The following SHLD2 variants were observed in gnomAD, a reference collection of about 807,000 sequenced individuals.
SHLD2 encodes the protein RINN1-REV7-interacting novel NHEJ regulator 2.
Under a neutral mutation model 73.2 loss-of-function variants are expected in SHLD2, and 30 were observed. The observed-to-expected ratio is 0.41, with a 90% CI of 0.31 to 0.56. The LOEUF (loss-of-function observed/expected upper bound fraction) is 0.56. Ranked by LOEUF, SHLD2 falls within the 20% of genes least tolerant of loss-of-function variation. The pLI is 0.28. For synonymous variants in SHLD2, 285 were observed against 370.1 expected, an observed-to-expected ratio of 0.77 and a Z score of 2.64; for missense variants, 745 against 1,055.9, an observed-to-expected ratio of 0.71 and a Z score of 4.08.
chr10:87,096,523 T>C (rs1182841083), intron 1 of SHLD2, among the ~76,000 whole-genome samples: 1 of 151,976 alleles, frequency 6.6e-6, no homozygotes, highest in East Asian at 1.9e-4. Context: ...CAAAGCAGGC[T>C]GATCGCTTGA....
intron 2 of SHLD2, among the ~76,000 whole-genome samples, chr10:87,142,564 G>T (rs1845270271): frequency 6.6e-6 from 1 of 151,994 alleles, no homozygotes. Flanking sequence ...GGAGAAAAGT[G>T]GTCAAACCCT....
intron 2 of SHLD2, among the ~76,000 whole-genome samples, chr10:87,129,691 G>A (rs1844289122): frequency 1.3e-5 from 2 of 151,780 alleles, no homozygotes. Flanking sequence ...CTCTGTCGTG[G>A]CTCACTACAG....
At chr10:87,166,275 A>G (rs1008001962) in intron 4 of SHLD2, among the ~76,000 whole-genome samples, 5 of 151,760 alleles carry the variant, frequency 3.3e-5, no homozygotes, top group African/African-American at 1.2e-4. Context: ...ACTACAAACA[A>G]ATTATTAGAA....
At chr10:87,118,349 C>G (rs1589461722) in intron 2 of SHLD2, among the ~76,000 whole-genome samples, 1 of 152,222 alleles carries the variant, frequency 6.6e-6, no homozygotes, top group Non-Finnish European at 1.5e-5. Context: ...TCAGTTTACA[C>G]TGGTGACTGC....
At chr10:87,123,991 T>C (rs1390095717) in intron 2 of SHLD2, among the ~76,000 whole-genome samples, 1 of 152,090 alleles carries the variant, frequency 6.6e-6, no homozygotes, top group Non-Finnish European at 1.5e-5. Context: ...TAACTAGAGA[T>C]GTGTAGTTCA....
chr10:87,182,060 G>A (rs1276817789), intron 8 of SHLD2, among the ~76,000 whole-genome samples: 4 of 152,212 alleles, frequency 2.6e-5, no homozygotes, highest in Non-Finnish European at 5.9e-5. Context: ...GAGCCACCAA[G>A]TGCAGCCTAA....
chr10:87,117,737 G>A (rs1843341844), intron 2 of SHLD2, among the ~76,000 whole-genome samples: 1 of 152,208 alleles, frequency 6.6e-6, no homozygotes, highest in African/African-American at 2.4e-5. Context: ...TGAGGCTGCA[G>A]TGAGCTGTGA....
At chr10:87,143,036 C>A (rs1308968172) in intron 2 of SHLD2, among the ~76,000 whole-genome samples, 2 of 149,180 alleles carry the variant, frequency 1.3e-5, no homozygotes, top group East Asian at 4.0e-4. Context: ...CTCAGGTGAT[C>A]CTTTCACTTC....
At chr10:87,145,476 A>C (rs1845537499) in intron 2 of SHLD2, among the ~76,000 whole-genome samples, 1 of 151,868 alleles carries the variant, frequency 6.6e-6, no homozygotes, top group Non-Finnish European at 1.5e-5. Flanking sequence ...TTTTAATTAC[A>C]ATCCCATGTG....
At chr10:87,114,952 G>T (rs1161132401) in intron 2 of SHLD2, among the ~76,000 whole-genome samples, 1 of 152,172 alleles carries the variant, frequency 6.6e-6, no homozygotes, top group Admixed American at 6.5e-5. Context: ...GAAACATTTT[G>T]GATAAACTGA....
intron 2 of SHLD2, among the ~76,000 whole-genome samples, chr10:87,148,882 CTTTTTTT>C (rs568650093): frequency 7.2e-6 from 1 of 139,260 alleles, no homozygotes; most frequent in Admixed American, 7.3e-5. Context: ...TTCCCACCAA[CTTTTTTT>C]TTTTTTTTTT....
chr10:87,097,152 G>A (rs1490529966), intron 2 of SHLD2, among the ~76,000 whole-genome samples, 163 bp downstream of exon 2: 1 of 152,144 alleles, frequency 6.6e-6, no homozygotes, highest in Non-Finnish European at 1.5e-5. Context: ...TATGTTCTGA[G>A]GAAAAATCTT....
At chr10:87,155,157 G>T (rs2134359668) in intron 3 of SHLD2, among the ~76,000 whole-genome samples, 1 of 78,436 alleles carries the variant, frequency 1.3e-5, no homozygotes, top group South Asian at 5.8e-4. Context: ...GGATGGTCTC[G>T]ATATCCTCAC....
At chr10:87,101,982 T>C (rs1006427956) in intron 2 of SHLD2, among the ~76,000 whole-genome samples, 1 of 152,256 alleles carries the variant, frequency 6.6e-6, no homozygotes, top group Non-Finnish European at 1.5e-5. Context: ...ATTTTCTATA[T>C]GCAAGATGCT....
chr10:87,151,268 C>A (rs2134320022), intron 2 of SHLD2, 82 bp from the exon 3 acceptor site: 1 of 647,336 alleles, frequency 1.5e-6, no homozygotes, highest in South Asian at 3.7e-5. Context: ...GTTATATTTT[C>A]TTTTGGTACA....
At chr10:87,138,596 G>A (rs1307443415) in intron 2 of SHLD2, among the ~76,000 whole-genome samples, 4 of 151,898 alleles carry the variant, frequency 2.6e-5, no homozygotes, top group Non-Finnish European at 5.9e-5. Context: ...AGGAGGAGAT[G>A]GAATTATACT....
rs370913426 is a variant in SHLD2, at chr10:87,130,923, C to G, written c.-5-20427C>G. ...CCATCTCTACTATAGAAAAATTAAC[C>G]CAGTGTGGTGGTGCACGCCTGTGGT... On this transcript the variant is annotated intron_variant, in intron 2 of 9. Coordinates refer to ENST00000298786, the MANE Select transcript of SHLD2 (RefSeq NM_001330112.2). Among the ~76,000 whole-genome samples, 5 of 152,016 alleles carry G rather than the reference C, an allele frequency of 3.3e-5. No homozygotes were observed. In the East Asian group the frequency reaches 9.7e-4, roughly 29 times the overall value.
intron 2 of SHLD2, among the ~76,000 whole-genome samples, chr10:87,148,209 A>T (rs1368522238): frequency 2.0e-5 from 3 of 152,180 alleles, no homozygotes; most frequent in Non-Finnish European, 4.4e-5. Context: ...AGCTCCTTAA[A>T]GCTCTCTATT....
intron 4 of SHLD2, among the ~76,000 whole-genome samples, chr10:87,159,620 C>G (rs1319712029): frequency 6.6e-6 from 1 of 152,114 alleles, no homozygotes; most frequent in Non-Finnish European, 1.5e-5. Context: ...GAAGTTGTTA[C>G]AATAGCTGCA....
Sources: allele counts gnomAD v4.1 joint callset (sites outside exome capture counted in the v4.1 genomes callset), GRCh38; gene constraint gnomAD v4.1.1; transcripts MANE v1.5; gene names NCBI Gene and HGNC (gene_info 2026-07-23, HGNC 2026-07-21).